Variants in LDAH observed in about 807,000 individuals in gnomAD.
LDAH encodes the protein lipid droplet associated hydrolase, also known as lipid droplet-associated hydrolase.
A neutral mutation model predicts 29.6 loss-of-function variants in LDAH; 26 were observed. The ratio of observed to expected loss-of-function variants is 0.88; its 90% CI spans 0.64 to 1.22. The LOEUF is 1.22. Ranked by LOEUF, LDAH falls within the 50% of genes most tolerant of loss-of-function variation. The probability of loss-of-function intolerance (pLI) is 0.00; values close to 1 mark genes in which losing one functional copy is unlikely to be tolerated. For synonymous variants in LDAH, 117 were observed against 133.0 expected (o/e 0.88, Z 0.83); for missense variants, 344 against 387.3 (o/e 0.89, Z 0.94).
intron 1 of LDAH, among the ~76,000 whole-genome samples, chr2:20,806,018 A>T (rs994205820): frequency 6.6e-6 from 1 of 152,104 alleles, no homozygotes; most frequent in Non-Finnish European, 1.5e-5. Context: ...AAACAGTAAA[A>T]TGTCTGCATT....
At chr2:20,695,737 C>T (rs58980923) in intron 6 of LDAH, among the ~76,000 whole-genome samples, 9,355 of 152,132 alleles carry the variant, frequency 0.061, 380 homozygotes, top group East Asian at 0.13. Context: ...CATGAGCCAC[C>T]GTGCCCGGCG....
chr2:20,769,708 A>G (rs1019264225), intron 4 of LDAH, among the ~76,000 whole-genome samples: 1 of 152,234 alleles, frequency 6.6e-6, no homozygotes, highest in Non-Finnish European at 1.5e-5. Context: ...AATTTTGAGT[A>G]CTTAAAATGC....
At chr2:20,683,070 A>T (rs1662360042), downstream of LDAH, among the ~76,000 whole-genome samples, 1 of 152,164 alleles carries the variant, frequency 6.6e-6, no homozygotes, top group Non-Finnish European at 1.5e-5. Context: ...AACCCTTTAT[A>T]GAACCATAGA....
chr2:20,728,397 T>TA (rs1178539995), intron 5 of LDAH, among the ~76,000 whole-genome samples: 3 of 152,198 alleles, frequency 2.0e-5, no homozygotes, highest in Non-Finnish European at 4.4e-5. Context: ...TTTCCCTTGA[T>TA]AACCCCTCTC....
intron 5 of LDAH, among the ~76,000 whole-genome samples, chr2:20,718,487 C>T (rs1665408224): frequency 6.6e-6 from 1 of 152,016 alleles, no homozygotes; most frequent in South Asian, 2.1e-4. Context: ...TATATATGTA[C>T]CTAACACCAG....
intron 4 of LDAH, among the ~76,000 whole-genome samples, chr2:20,762,832 C>A (rs1396108049): frequency 6.6e-6 from 1 of 152,158 alleles, no homozygotes; most frequent in East Asian, 1.9e-4. Flanking sequence ...TAGTGACTTC[C>A]ATCACCAGGG....
rs368280322 is a variant in LDAH, at chr2:20,703,873, T to G, written c.704-2221A>C. On this transcript the variant is annotated intron_variant, in intron 5 of 6. Transcript: ENST00000237822. ...CCTACTTACTTTATGCCAGGCCTTA[T>G]TTTAGGCGCTGGAGATGGAGCAACA... 1.5e-3 allele frequency among the ~76,000 whole-genome samples: 227 copies of G among 152,362 alleles called. 4 individuals carry two copies. The South Asian group carries it at 0.043, about 29-fold the overall frequency.
chr2:20,818,562 AACT>A (rs1405312104), intron 1 of LDAH, among the ~76,000 whole-genome samples: 3 of 150,912 alleles, frequency 2.0e-5, no homozygotes, highest in Admixed American at 6.6e-5. Context: ...CTTGCAATAA[AACT>A]ACTGCTTTTT....
chr2:20,682,744 G>A (rs1046992192), downstream of LDAH, among the ~76,000 whole-genome samples: 6 of 152,190 alleles, frequency 3.9e-5, no homozygotes, highest in Non-Finnish European at 8.8e-5. Flanking sequence ...CCCAATAGTT[G>A]CATTGGGGAT....
intron 4 of LDAH, among the ~76,000 whole-genome samples, chr2:20,741,487 C>T (rs1301106287): frequency 6.6e-6 from 1 of 152,128 alleles, no homozygotes; most frequent in Non-Finnish European, 1.5e-5. Flanking sequence ...CATGGACGTT[C>T]AGTTGTTCCA....
intron 1 of LDAH, among the ~76,000 whole-genome samples, chr2:20,805,585 A>T (rs1672010640): frequency 6.6e-6 from 1 of 152,166 alleles, no homozygotes; most frequent in African/African-American, 2.4e-5. Flanking sequence ...ATCTTTAATA[A>T]AATCAATTTT....
intron 5 of LDAH, among the ~76,000 whole-genome samples, chr2:20,711,956 G>A (rs1317058343): frequency 6.6e-6 from 1 of 152,226 alleles, no homozygotes; most frequent in East Asian, 1.9e-4. Context: ...CTGAGGGCAG[G>A]GCATAGCTGA....
intron 6 of LDAH, among the ~76,000 whole-genome samples, chr2:20,689,012 C>G (rs1274028333): frequency 6.6e-6 from 1 of 151,790 alleles, no homozygotes; most frequent in East Asian, 1.9e-4. Context: ...TAACAGGCCC[C>G]GGTGTGTGAT....
chr2:20,799,872 A>G (rs1272390201), intron 2 of LDAH, among the ~76,000 whole-genome samples: 1 of 152,228 alleles, frequency 6.6e-6, no homozygotes, highest in Non-Finnish European at 1.5e-5. Context: ...AGTTCCAAAA[A>G]ATATGTAAAA....
At chr2:20,812,181 C>G (rs2125145373) in intron 1 of LDAH, among the ~76,000 whole-genome samples, 1 of 152,340 alleles carries the variant, frequency 6.6e-6, no homozygotes, top group South Asian at 2.1e-4. Flanking sequence ...AGCCACAGAA[C>G]TAAAGCTCAA....
intron 4 of LDAH, among the ~76,000 whole-genome samples, chr2:20,768,724 T>G (rs1339245249): frequency 6.6e-6 from 1 of 152,206 alleles, no homozygotes; most frequent in Non-Finnish European, 1.5e-5. Context: ...GTAACACTCC[T>G]TTATGGCAAA....
chr2:20,699,449 C>T (rs1041625611), intron 6 of LDAH, among the ~76,000 whole-genome samples: 3 of 152,144 alleles, frequency 2.0e-5, no homozygotes, highest in African/African-American at 7.2e-5. Context: ...TATTAAATTA[C>T]AGCATGTTTC....
In LDAH at chr2:20,685,000, T is replaced by A. The variant is rs147399058; in HGVS notation, c.*1903A>T. On this transcript the variant is annotated 3_prime_UTR_variant, in exon 7 of 7. Transcript: ENST00000237822. ...TGAGCCGAGTCTAACTCAGGAGAAC[T>A]GCTCAAATTGTACCCTCTCTTGCCC... The A allele has an allele frequency of 8.6e-4, 1,319 of 1,530,542 alleles. 10 individuals are homozygous for A. In the African/African-American group the frequency reaches 0.016, roughly 19 times the overall value. The allele number at this position is 1,530,542 out of a possible 1,614,324, so 94.8% of individuals were successfully genotyped here. A position where few individuals can be genotyped will look rare whatever the true frequency, so the allele number is the denominator to read the frequency against.
chr2:20,731,827 T>C (rs888958031), intron 5 of LDAH, among the ~76,000 whole-genome samples: 1 of 152,044 alleles, frequency 6.6e-6, no homozygotes, highest in East Asian at 1.9e-4. Flanking sequence ...TTTGGTAGAT[T>C]CCTTGGGATT....
Sources: allele counts gnomAD v4.1 joint callset (sites outside exome capture counted in the v4.1 genomes callset), GRCh38; gene constraint gnomAD v4.1.1; transcripts MANE v1.5; gene names NCBI Gene and HGNC (gene_info 2026-07-23, HGNC 2026-07-21).